ZNF823: variants seen among roughly 807,000 people sequenced by gnomAD.
ZNF823 encodes the protein ZFP 36 for a zinc finger protein.
Under a neutral mutation model 11.4 loss-of-function variants are expected in ZNF823, and 5 were observed. The observed-to-expected ratio is 0.44, with a 90% CI of 0.23 to 0.92. ZNF823 has a LOEUF of 0.92. Among genes scored for constraint, ZNF823 ranks in the 40% least tolerant of loss-of-function variants. ZNF823 has a pLI of 0.24. For synonymous variants in ZNF823, 234 were observed against 250.5 expected, an observed-to-expected ratio of 0.93 and a Z score of 0.62; for missense variants, 582 against 738.5, an observed-to-expected ratio of 0.79 and a Z score of 2.46.
In ZNF823 at chr19:11,722,593, T is replaced by C. The variant is rs1405168392; in HGVS notation, c.941A>G (p.Tyr314Cys). The C allele has an allele frequency of 1.2e-6, 2 of 1,613,920 alleles. No individual in the cohort carries two copies. The highest frequency in any genetic ancestry group is 1.7e-5 in the Admixed American group (1 of 59,994). The change falls in exon 4 of 4, where the codon TAT (tyrosine) becomes TGT (cysteine). Residue 314 changes from tyrosine to cysteine, a missense_variant. This residue lies in a region of ZNF823 where 429 missense variants were observed against 553.7 expected (regional missense o/e 0.77). Transcript: ENST00000341191. This position sits in a 1 kb window ranked among gnomAD's most constrained non-coding sequence, Gnocchi z 5.2. ...GTGTCTTCGAAAGCTTGTGTGATGATAAAACGTTTTCCCACATTGCTTACA... is the reference window on the plus strand; with the variant it reads ...GTGTCTTCGAAAGCTTGTGTGATGACAAAACGTTTTCCCACATTGCTTACA... ...YACKQCGKTFYHHTSFRRHMI... is the reference protein window; with the variant it reads ...YACKQCGKTFCHHTSFRRHMI...
At chr19:11,732,499 C>T (rs1974918420) in intron 1 of ZNF823, among the ~76,000 whole-genome samples, 1 of 150,174 alleles carries the variant, frequency 6.7e-6, no homozygotes, top group Non-Finnish European at 1.5e-5. Context: ...CGGGGTTTCA[C>T]CGTGTTAGCC....
chr19:11,737,049 T>C (rs945851338), intron 1 of ZNF823, among the ~76,000 whole-genome samples: 1 of 152,094 alleles, frequency 6.6e-6, no homozygotes, highest in African/African-American at 2.4e-5. Context: ...GAGGAGTGAC[T>C]CAAAGCTGAT....
In ZNF823 at chr19:11,722,303, TG is replaced by T; in HGVS notation, c.1230del (p.His410GlnfsTer32). The T allele has an allele frequency of 6.2e-7, 1 of 1,614,216 alleles. No individual in the cohort carries two copies. The highest frequency in any genetic ancestry group is 2.2e-5 in the East Asian group (1 of 44,888). On this transcript the variant is annotated frameshift_variant, in exon 4 of 4. Coordinates refer to ENST00000341191, the MANE Select transcript of ZNF823 (RefSeq NM_001080493.4). LOFTEE classifies it low-confidence loss of function (END_TRUNC). The surrounding 1 kb of genome is among the most constrained non-coding windows in gnomAD (Gnocchi z 5.2). ...TTACATTGATAGGGTTTCTCTCCAG[TG>T]TGAGTCCTTTCATGTCTTTGAAATA... is the stretch of plus-strand genomic sequence containing the variant. ...PSLFQRHERT[H>X]TGEKPYQCKQ...
chr19:11,722,830 TAGGAACTGTAAAA>T lies in ZNF823; in HGVS notation c.691_703del (p.Phe231IlefsTer2). The T allele has an allele frequency of 6.2e-7, 1 of 1,613,966 alleles. No individual in the cohort carries two copies. Among genetic ancestry groups the T allele is most frequent in the Non-Finnish European group, 8.5e-7 (1 of 1,179,990 alleles). On this transcript the variant is annotated frameshift_variant, in exon 4 of 4. Coordinates refer to ENST00000341191, the MANE Select transcript of ZNF823 (RefSeq NM_001080493.4). LOFTEE classifies it low-confidence loss of function (END_TRUNC). This position sits in a 1 kb window ranked among gnomAD's most constrained non-coding sequence, Gnocchi z 5.2. ...CGTGTGGATTCTTTCATGTCTTAGA[TAGGAACTGTAAAA>T]AGGAAAGGCTTTAGAACACTGCTTA...
intron 1 of ZNF823, among the ~76,000 whole-genome samples, chr19:11,732,278 C>A (rs547276966): frequency 3.3e-5 from 5 of 151,100 alleles, no homozygotes; most frequent in African/African-American, 4.8e-5. Context: ...CATTCTCCTG[C>A]CTCAGCCTCC....
intron 1 of ZNF823, chr19:11,726,073 CAAAAAAAAAAAA>C (rs4052622): frequency 2.4e-5 from 2 of 84,708 alleles, no homozygotes; most frequent in African/African-American, 8.1e-5. Context: ...ATAAAAAATA[CAAAAAAAAAAAA>C]AAAAAAAAAT....
At chr19:11,728,370 G>A (rs1427365168) in intron 1 of ZNF823, among the ~76,000 whole-genome samples, 2 of 152,120 alleles carry the variant, frequency 1.3e-5, no homozygotes, top group Non-Finnish European at 2.9e-5. Context: ...AGAAATTAGG[G>A]TACTGAAAAG....
chr19:11,722,691 A>G lies in ZNF823; in HGVS notation c.843T>C (p.Cys281=), dbSNP rs1974711957. Residue 281 remains cysteine (C), a synonymous_variant, in exon 4 of 4, where the codon TGT becomes TGC. Transcript: ENST00000341191. The surrounding 1 kb of genome is among the most constrained non-coding windows in gnomAD (Gnocchi z 5.2). ...AATAGTAACAGCTGAAGGCTTTCCC[A>G]CATTGTGTACATTTATAGGGTTTCT... ...TGEKPYKCTQ[C]GKAFSCYYYT... 1 of 1,614,170 alleles carries G rather than the reference A, an allele frequency of 6.2e-7. No homozygotes were observed. Among genetic ancestry groups the G allele is most frequent in the Non-Finnish European group, 8.5e-7 (1 of 1,180,020 alleles).
rs1974679173 is a variant in ZNF823 at position 11,721,641 on chromosome 19, A to G, written c.*60T>C. 1 of 1,496,868 alleles carries G rather than the reference A, an allele frequency of 6.7e-7. No individual in the cohort carries two copies. The highest frequency in any genetic ancestry group is 9.0e-7 in the Non-Finnish European group (1 of 1,110,158). 92.7% of individuals were successfully genotyped at this position (1,496,868 alleles called of 1,614,324 possible). ...TTACATTCATAGGGTCTATCTCCAAAGTGAGTTCTTTCAAGTTTCTGAAAT... is the reference window on the plus strand; with the variant it reads ...TTACATTCATAGGGTCTATCTCCAAGGTGAGTTCTTTCAAGTTTCTGAAAT... On this transcript the variant is annotated 3_prime_UTR_variant, in exon 4 of 4. Transcript: ENST00000341191.
Position 11,722,269 on chromosome 19 carries a change from CCA to C in ZNF823, c.1263_1264del (p.Cys421TrpfsTer2). The C allele has an allele frequency of 6.2e-7, 1 of 1,614,060 alleles. No individual in the cohort carries two copies. The highest frequency in any genetic ancestry group is 8.5e-7 in the Non-Finnish European group (1 of 1,179,974). On this transcript the variant is annotated frameshift_variant, in exon 4 of 4. Transcript: ENST00000341191. LOFTEE classifies it low-confidence loss of function (END_TRUNC). This position sits in a 1 kb window ranked among gnomAD's most constrained non-coding sequence, Gnocchi z 5.2. ...GGAACCGGCAAGACTGAAGGCTTTA[CCA>C]CATTGTTTACATTGATAGGGTTTCT...
intron 1 of ZNF823, among the ~76,000 whole-genome samples, chr19:11,728,742 G>A (rs1162638157): frequency 1.3e-5 from 2 of 152,084 alleles, no homozygotes; most frequent in Non-Finnish European, 1.5e-5. Context: ...AAGTGGAGAA[G>A]TTGAAAAAAC....
At chr19:11,738,687 G>T in intron 1 of ZNF823, 130 bp downstream of exon 1, 1 of 1,256,278 alleles carries the variant, frequency 8.0e-7, no homozygotes, top group Non-Finnish European at 1.1e-6. Context: ...GGGCAGAGCT[G>T]CGCCAGGGGC....
Position 11,722,062 on chromosome 19 carries a change from C to T in ZNF823, c.1472G>A (p.Arg491Lys). The change falls in exon 4 of 4, where the codon AGG (arginine) becomes AAG (lysine). Residue 491 changes from arginine to lysine, a missense_variant. Arg to Lys is a conservative substitution (Grantham distance 26). Transcript: ENST00000341191. This position sits in a 1 kb window ranked among gnomAD's most constrained non-coding sequence, Gnocchi z 5.2. ...ATAAGGTTTTTCTACTGTGTGGGTC[C>T]TTTTATGTTGAGAAAGGTATTTGAA... ...SCFKYLSQHK[R>K]THTVEKPYEC... is the part of the protein sequence containing the mutation. 1 of 1,612,552 alleles carries T rather than the reference C, an allele frequency of 6.2e-7. No individual in the cohort carries two copies. Among genetic ancestry groups the T allele is most frequent in the East Asian group, 2.2e-5 (1 of 44,866 alleles).
intron 1 of ZNF823, among the ~76,000 whole-genome samples, chr19:11,728,022 A>G (rs8108873): frequency 0.085 from 12,873 of 152,026 alleles, 1,183 homozygotes; most frequent in African/African-American, 0.23. Context: ...GACTACAGGC[A>G]CATGCCACCA....
intron 1 of ZNF823, among the ~76,000 whole-genome samples, chr19:11,736,796 C>CTG (rs1974999514): frequency 6.6e-6 from 1 of 152,202 alleles, no homozygotes; most frequent in Non-Finnish European, 1.5e-5. Flanking sequence ...CATCTCCCAC[C>CTG]CCAGTGCTGC....
rs374129880 is a variant in ZNF823, at chr19:11,738,305, C to T, written c.3+512G>A. 1.9e-3 allele frequency among the ~76,000 whole-genome samples: 288 copies of T among 152,288 alleles called. 1 individual carries two copies. Among genetic ancestry groups the T allele is most frequent in the Non-Finnish European group, 3.4e-3 (229 of 68,012 alleles). On this transcript the variant is annotated intron_variant, in intron 1 of 3. Coordinates refer to ENST00000341191, the MANE Select transcript of ZNF823 (RefSeq NM_001080493.4). The stretch of plus-strand genomic sequence containing the variant: ...ACAAGGGAACCCACTCAGCAGAATG[C>T]GGTTTCTTCACCTCCAGTCCCAGGA...
chr19:11,734,231 ACT>A (rs1974952504), intron 1 of ZNF823, among the ~76,000 whole-genome samples: 3 of 146,010 alleles, frequency 2.1e-5, no homozygotes, highest in African/African-American at 5.2e-5. Context: ...ACAGAGTGAG[ACT>A]CTGTCTCAAA....
At chr19:11,725,393 T>C in intron 1 of ZNF823, 66 bp from the exon 2 acceptor site, 3 of 1,592,838 alleles carry the variant, frequency 1.9e-6, no homozygotes, top group South Asian at 1.1e-5. Flanking sequence ...CCATACTCAC[T>C]GCATAAACTT....
At chr19:11,737,609 T>A (rs117150143) in intron 1 of ZNF823, among the ~76,000 whole-genome samples, 3,031 of 151,176 alleles carry the variant, frequency 0.02, 81 homozygotes, top group Admixed American at 0.065. Context: ...TGGTTATTCT[T>A]TGCTTCCTCA....
Sources: gnomAD v4.1 joint callset for allele counts (sites outside exome capture counted in the v4.1 genomes callset) on GRCh38, gnomAD v4.1.1 for gene constraint, gnomAD v4.1.1 regional missense constraint, Gnocchi (gnomAD v3.1) non-coding constraint, MANE v1.5 for transcripts, NCBI Gene and HGNC (gene_info 2026-07-23, HGNC 2026-07-21) for gene names.